The following MLLT3 variants were observed in gnomAD, a reference collection of about 807,000 sequenced individuals.
MLLT3 encodes protein AF-9.
MLLT3 carries 4 observed loss-of-function variants against 53.2 expected under a neutral mutation model. That is an observed-to-expected ratio of 0.08 (90% CI 0.04 to 0.17). The LOEUF is 0.17. Among genes scored for constraint, MLLT3 ranks in the 10% least tolerant of loss-of-function variants. MLLT3 has a pLI of 1.00. For synonymous variants in MLLT3, 283 were observed against 230.6 expected (o/e 1.23, Z -2.06); for missense variants, 569 against 684.0 (o/e 0.83, Z 1.87).
At chr9:20,393,005 A>G (rs988368807) in intron 5 of MLLT3, among the ~76,000 whole-genome samples, 1 of 152,136 alleles carries the variant, frequency 6.6e-6, no homozygotes, top group Admixed American at 6.5e-5. Flanking sequence ...AAAATACAAA[A>G]TTAGCTGGGC....
At chr9:20,511,618 GGCCTATGACAGA>G (rs1427380386) in intron 2 of MLLT3, among the ~76,000 whole-genome samples, 2 of 152,160 alleles carry the variant, frequency 1.3e-5, no homozygotes, top group Non-Finnish European at 2.9e-5. Flanking sequence ...AGGATTTCAT[GGCCTATGACAGA>G]GCCTATGAAT....
intron 2 of MLLT3, among the ~76,000 whole-genome samples, chr9:20,487,015 G>A (rs934243759): frequency 1.3e-5 from 2 of 152,074 alleles, no homozygotes; most frequent in African/African-American, 4.8e-5. Flanking sequence ...ATTATCAATT[G>A]TTGTGTGTTA....
At chr9:20,516,159 T>C (rs985171829) in intron 2 of MLLT3, among the ~76,000 whole-genome samples, 2 of 152,138 alleles carry the variant, frequency 1.3e-5, no homozygotes, top group African/African-American at 4.8e-5. Context: ...CGCTAAGGAC[T>C]CACCAATCCC....
At position 20,444,260 on chromosome 9, in the gene MLLT3, G is replaced by C. The variant is rs368464534; in HGVS notation, c.420+3863C>G. 8.5e-5 allele frequency among the ~76,000 whole-genome samples: 13 copies of C among 152,242 alleles called. 1 individual carries two copies. Among genetic ancestry groups the C allele is most frequent in the Admixed American group, 5.9e-4 (9 of 15,298 alleles). Reference sequence around the variant, plus strand: ...ATTTGAGAATCACTGATCCAAAAGTGATCAATCAGTTCATTCTTTAAAAAT... The same window carrying C: ...ATTTGAGAATCACTGATCCAAAAGTCATCAATCAGTTCATTCTTTAAAAAT... On this transcript the variant is annotated intron_variant, in intron 4 of 10. Transcript: ENST00000380338.
chr9:20,484,269 AC>A (rs1824748115), intron 2 of MLLT3, among the ~76,000 whole-genome samples: 1 of 152,172 alleles, frequency 6.6e-6, no homozygotes, highest in African/African-American at 2.4e-5. Flanking sequence ...ATTTAGGTCT[AC>A]TAAAAATTTT....
intron 4 of MLLT3, among the ~76,000 whole-genome samples, chr9:20,439,630 C>T (rs944220774): frequency 3.9e-5 from 6 of 152,056 alleles, no homozygotes; most frequent in Non-Finnish European, 7.4e-5. Context: ...AGCAATAGAA[C>T]ACATTAATGG....
intron 5 of MLLT3, among the ~76,000 whole-genome samples, chr9:20,408,021 T>C (rs146239548): frequency 3.9e-5 from 6 of 152,186 alleles, no homozygotes; most frequent in Non-Finnish European, 8.8e-5. Context: ...ATGCATTGAA[T>C]AGGTGATGTA....
In MLLT3 at chr9:20,621,672, C is replaced by G. The variant is rs1263679583; in HGVS notation, c.12+573G>C. 14 of 1,207,242 alleles carry G rather than the reference C, an allele frequency of 1.2e-5. No individual in the cohort carries two copies. Among genetic ancestry groups the G allele is most frequent in the Non-Finnish European group, 1.3e-5 (12 of 899,314 alleles). The allele number at this position is 1,207,242 out of a possible 1,614,324, so 74.8% of individuals were successfully genotyped here. A position where few individuals can be genotyped will look rare whatever the true frequency, so the allele number is the denominator to read the frequency against. On this transcript the variant is annotated intron_variant, in intron 1 of 10. Transcript: ENST00000380338. The surrounding 1 kb of genome is among the most constrained non-coding windows in gnomAD (Gnocchi z 7.0). ...GGCGGACAGCCGCCGAGCCTCGGCT[C>G]GCGCTCAGCACCTCCCGGCGCTGGG...
chr9:20,461,964 G>A (rs983890803), intron 2 of MLLT3, among the ~76,000 whole-genome samples: 65 of 151,924 alleles, frequency 4.3e-4, no homozygotes, highest in African/African-American at 1.4e-3. Context: ...TTAGTATTTT[G>A]GACTCCCTCA....
intron 4 of MLLT3, among the ~76,000 whole-genome samples, chr9:20,441,014 TACTG>T (rs1823535698): frequency 6.6e-6 from 1 of 152,170 alleles, no homozygotes; most frequent in Non-Finnish European, 1.5e-5. Flanking sequence ...CACCTTCCAA[TACTG>T]ACAACTAAAC....
intron 2 of MLLT3, among the ~76,000 whole-genome samples, chr9:20,488,438 T>C (rs569240892): frequency 2.0e-5 from 3 of 152,110 alleles, no homozygotes; most frequent in East Asian, 3.9e-4. Flanking sequence ...GAATGAAAAA[T>C]TGAACAATGT....
chr9:20,491,654 T>G lies in MLLT3; in HGVS notation c.194-34868A>C, dbSNP rs186834845. On this transcript the variant is annotated intron_variant, in intron 2 of 10. Coordinates refer to ENST00000380338, the MANE Select transcript of MLLT3 (RefSeq NM_004529.4). ...AAGAGAGACTCAGTCAAAACTCAAGTGAGAAATCAACAACAGTTATATTCC... is the reference window on the plus strand; with the variant it reads ...AAGAGAGACTCAGTCAAAACTCAAGGGAGAAATCAACAACAGTTATATTCC... Among the ~76,000 whole-genome samples the G allele has an allele frequency of 5.3e-3, 809 of 152,232 alleles. 13 individuals are homozygous for G. Among genetic ancestry groups the G allele is most frequent in the Admixed American group, 0.016 (242 of 15,294 alleles).
chr9:20,539,439 T>C (rs1028093225), intron 2 of MLLT3, among the ~76,000 whole-genome samples: 2 of 152,176 alleles, frequency 1.3e-5, no homozygotes, highest in African/African-American at 2.4e-5. Context: ...CAGTTCCATA[T>C]GGCAGGAGAG....
chr9:20,435,844 T>C (rs1374952582), intron 4 of MLLT3, among the ~76,000 whole-genome samples: 1 of 152,184 alleles, frequency 6.6e-6, no homozygotes, highest in Non-Finnish European at 1.5e-5. Context: ...TTCCTGAGCC[T>C]GTCTTATCGG....
intron 5 of MLLT3, among the ~76,000 whole-genome samples, chr9:20,406,513 T>TA (rs201727196): frequency 0.022 from 3,381 of 152,220 alleles, 126 homozygotes; most frequent in African/African-American, 0.076. Context: ...TTATCATACT[T>TA]AAAAAAATAG....
intron 2 of MLLT3, among the ~76,000 whole-genome samples, chr9:20,568,798 T>A (rs529068178): frequency 1.5e-4 from 23 of 152,216 alleles, no homozygotes; most frequent in African/African-American, 5.3e-4. Context: ...AAAAAACTTG[T>A]CTGTATTTAC....
In MLLT3 at chr9:20,534,025, G is replaced by A. The variant is rs112134948; in HGVS notation, c.194-77239C>T. On this transcript the variant is annotated intron_variant, in intron 2 of 10. Transcript: ENST00000380338. ...GTGGTAGTCATGGCACAATGTACAC[G>A]TATATCAAATCATCAGGCTGTATAA... Among the ~76,000 whole-genome samples the A allele has an allele frequency of 4.6e-5, 7 of 152,164 alleles. 1 individual carries two copies. Among genetic ancestry groups the A allele is most frequent in the African/African-American group, 1.2e-4 (5 of 41,512 alleles).
intron 2 of MLLT3, among the ~76,000 whole-genome samples, chr9:20,471,762 C>T (rs1339444203): frequency 6.6e-6 from 1 of 151,916 alleles, no homozygotes; most frequent in African/African-American, 2.4e-5. Flanking sequence ...TGAGCCAAAA[C>T]TTCTGACTAA....
intron 2 of MLLT3, among the ~76,000 whole-genome samples, chr9:20,565,909 AATATATATATATTT>A (rs1819342695): frequency 1.6e-5 from 2 of 126,466 alleles, no homozygotes; most frequent in African/African-American, 3.1e-5. Flanking sequence ...TCAAGGAAAA[AATATATATATATTT>A]ATATATATAT....
Sources: gnomAD v4.1 joint callset for allele counts (sites outside exome capture counted in the v4.1 genomes callset) on GRCh38, gnomAD v4.1.1 for gene constraint, Gnocchi (gnomAD v3.1) non-coding constraint, MANE v1.5 for transcripts, NCBI Gene and HGNC (gene_info 2026-07-23, HGNC 2026-07-21) for gene names.